Variants in NUP188 observed in about 807,000 individuals in gnomAD.
NUP188 encodes the protein nucleoporin 188, also known as nucleoporin NUP188.
NUP188 carries 97 observed loss-of-function variants against 223.0 expected under a neutral mutation model. The ratio of observed to expected loss-of-function variants is 0.43; its 90% CI spans 0.37 to 0.51. The LOEUF (loss-of-function observed/expected upper bound fraction) is 0.51, where lower values mean the gene tolerates loss of function less well. Among genes scored for constraint, NUP188 ranks in the 20% least tolerant of loss-of-function variants. The pLI, the probability that NUP188 is intolerant of heterozygous loss-of-function variation, is 0.00. For missense variants in NUP188, 1,947 were observed against 2,175.6 expected (o/e 0.89, Z 2.09); for synonymous variants, 869 against 828.0 (o/e 1.05, Z -0.85).
chr9:128,958,070 C>T lies in NUP188; in HGVS notation c.372+16C>T. 1 of 1,602,446 alleles carries T rather than the reference C, an allele frequency of 6.2e-7. No individual in the cohort carries two copies. Among genetic ancestry groups the T allele is most frequent in the Non-Finnish European group, 8.5e-7 (1 of 1,170,432 alleles). ...AATCCTGAAGGTCAGTAGTAGTCAC[C>T]ATTTCTATTCTTTGATGTAAAATTG... On this transcript the variant is annotated intron_variant, in intron 6 of 43. Transcript: ENST00000372577.
rs747965547 is a variant in NUP188 at position 128,968,635 on chromosome 9, T to C, written c.715T>C (p.Phe239Leu). The C allele has an allele frequency of 1.9e-6, 3 of 1,614,128 alleles. No individual in the cohort carries two copies. Among genetic ancestry groups the C allele is most frequent in the Middle Eastern group, 3.3e-4 (2 of 6,062 alleles). ...PSDLLVLTKM[F>L]KEQGFGSRQT... ...TGACTTACTTGTATTAACCAAGATG[T>C]TTAAAGAGCAAGGATTTGGTAGTAG... is the stretch of plus-strand genomic sequence containing the variant. Residue 239 changes from phenylalanine (F) to leucine (L), a missense_variant, in exon 9 of 44, where the codon TTT becomes CTT. By Grantham distance (22) the Phe-to-Leu change is conservative (BLOSUM62 0). Coordinates refer to ENST00000372577, the MANE Select transcript of NUP188 (RefSeq NM_015354.3).
At chr9:128,986,439 T>A in intron 20 of NUP188, 119 bp from the exon 21 acceptor site, 1 of 1,047,116 alleles carries the variant, frequency 9.6e-7, no homozygotes, top group Non-Finnish European at 1.4e-6. Flanking sequence ...TTTTCATTGA[T>A]GACCAAGGTT....
intron 2 of NUP188, among the ~76,000 whole-genome samples, chr9:128,949,790 G>A (rs776988012): frequency 9.2e-5 from 14 of 151,886 alleles, no homozygotes; most frequent in Non-Finnish European, 1.6e-4. Context: ...CACCACACCT[G>A]GCTAATTTTT....
In NUP188 at chr9:128,971,408, CTTGTTTGTTTGT is replaced by C. The variant is rs367882897; in HGVS notation, c.1113+465_1113+476del. 4.8e-3 allele frequency among the ~76,000 whole-genome samples: 724 copies of C among 152,062 alleles called. 5 individuals are homozygous for C. The highest frequency in any genetic ancestry group is 0.017 in the Middle Eastern group (5 of 294). On this transcript the variant is annotated intron_variant, in intron 11 of 43. Coordinates refer to ENST00000372577, the MANE Select transcript of NUP188 (RefSeq NM_015354.3). ...GGTTTGAGTGGCATGGTTTAGAGAG[CTTGTTTGTTTGT>C]TTGTTTGTTTGTTTTTGAGACAGAG...
chr9:128,968,054 C>G (rs915001142), intron 8 of NUP188, among the ~76,000 whole-genome samples: 2 of 152,102 alleles, frequency 1.3e-5, no homozygotes, highest in Non-Finnish European at 2.9e-5. Flanking sequence ...GCTAGGAATT[C>G]AAAACCAGCC....
chr9:128,997,868 G>A (rs17508104), intron 30 of NUP188, among the ~76,000 whole-genome samples: 3 of 151,730 alleles, frequency 2.0e-5, no homozygotes, highest in East Asian at 1.9e-4. Context: ...CTACAGGTGC[G>A]CGCCACCATG....
At chr9:129,003,081 T>C (rs1588295131) in intron 37 of NUP188, 106 bp downstream of exon 37, 32 of 1,300,554 alleles carry the variant, frequency 2.5e-5, no homozygotes, top group Non-Finnish European at 3.4e-5. Context: ...TAGCGGAGGG[T>C]TGTCGATGCC....
intron 6 of NUP188, 135 bp from the exon 7 acceptor site, chr9:128,958,667 T>C: frequency 2.2e-6 from 1 of 457,362 alleles, no homozygotes; most frequent in East Asian, 3.1e-5. Flanking sequence ...TCAGTATGTT[T>C]GCATTTCTGT....
Position 128,977,115 on chromosome 9 carries a change from G to C in NUP188, c.1204-2147G>C, listed in dbSNP as rs564103129. Among the ~76,000 whole-genome samples, 51 of 137,472 alleles carry C rather than the reference G, an allele frequency of 3.7e-4. 1 individual carries two copies. In the South Asian group the frequency reaches 0.012, roughly 32 times the overall value. 90.2% of individuals were successfully genotyped at this position (137,472 alleles called of 152,430 possible). ...CAGAGTTGCAGGAGTCCTGGTACTT[G>C]GATTTTTTTTTTTTTTTTTTTTTAG... is the stretch of plus-strand genomic sequence containing the variant. On this transcript the variant is annotated intron_variant, in intron 12 of 43. Coordinates refer to ENST00000372577, the MANE Select transcript of NUP188 (RefSeq NM_015354.3).
chr9:129,000,352 T>G (rs1296803705), intron 34 of NUP188, among the ~76,000 whole-genome samples: 1 of 152,162 alleles, frequency 6.6e-6, no homozygotes, highest in Non-Finnish European at 1.5e-5. Context: ...CCAGTCTCGC[T>G]CTGTCGCCCA....
At chr9:128,974,077 A>AT (rs906401743) in intron 12 of NUP188, among the ~76,000 whole-genome samples, 3 of 151,814 alleles carry the variant, frequency 2.0e-5, no homozygotes, top group African/African-American at 7.3e-5. Context: ...CGCCCGGCTA[A>AT]TTTTTTTATT....
chr9:128,958,953 A>G, intron 7 of NUP188, 59 bp downstream of exon 7: 16 of 1,405,442 alleles, frequency 1.1e-5, no homozygotes, highest in Non-Finnish European at 1.5e-5. Flanking sequence ...TAATTTTATT[A>G]ATATTTATTT....
intron 14 of NUP188, 98 bp downstream of exon 14, chr9:128,980,823 A>G (rs1256567976): frequency 5.4e-6 from 7 of 1,288,018 alleles, no homozygotes; most frequent in Non-Finnish European, 5.4e-6. Flanking sequence ...TTCTACTGCC[A>G]TGACAAAAGT....
At chr9:128,969,580 ACTG>A in intron 10 of NUP188, 66 bp downstream of exon 10, 1 of 819,378 alleles carries the variant, frequency 1.2e-6, no homozygotes, top group East Asian at 2.7e-5. Context: ...CAATTATTGA[ACTG>A]CTGCATAAAA....
intron 2 of NUP188, 125 bp from the exon 3 acceptor site, chr9:128,952,647 TG>T: frequency 3.2e-6 from 2 of 632,152 alleles, no homozygotes; most frequent in African/African-American, 1.9e-5. Context: ...CACTTGAACC[TG>T]GGAGGCGGAG....
chr9:129,005,331 C>T lies in NUP188; in HGVS notation c.4538C>T (p.Ala1513Val), dbSNP rs1371802752. 4 of 1,614,188 alleles carry T rather than the reference C, an allele frequency of 2.5e-6. No homozygotes were observed. Among genetic ancestry groups the T allele is most frequent in the Non-Finnish European group, 3.4e-6 (4 of 1,180,026 alleles). ...QNKNGDGLPSAVAQRVQRPPS... is the reference protein window; with the variant it reads ...QNKNGDGLPSVVAQRVQRPPS... ...AAAAATGGGGATGGCCTCCCCTCAG[C>T]TGTTGCCCAGCGAGTCCAGAGGCCA... The change falls in exon 40 of 44, where the codon GCT (alanine) becomes GTT (valine). Residue 1513 changes from alanine to valine, a missense_variant. Ala to Val is a moderately conservative substitution (Grantham distance 64, BLOSUM62 0). Around this residue, in one of 3 missense-constraint regions of NUP188, gnomAD observed 905 missense variants for 990.6 expected, o/e 0.91. Transcript: ENST00000372577.
chr9:128,992,611 T>C (rs1390953078), intron 25 of NUP188, among the ~76,000 whole-genome samples: 1 of 152,188 alleles, frequency 6.6e-6, no homozygotes, highest in Non-Finnish European at 1.5e-5. Flanking sequence ...TCTTTTTTCC[T>C]TTTTTTAATT....
intron 8 of NUP188, among the ~76,000 whole-genome samples, chr9:128,968,227 A>G (rs1842058139): frequency 6.6e-6 from 1 of 152,180 alleles, no homozygotes; most frequent in Admixed American, 6.5e-5. Flanking sequence ...CCTGGGTGAT[A>G]GAGTCAGACC....
At chr9:128,986,736 T>C in intron 21 of NUP188, 58 bp downstream of exon 21, 1 of 1,613,806 alleles carries the variant, frequency 6.2e-7, no homozygotes, top group Non-Finnish European at 8.5e-7. Flanking sequence ...GGAGAGCTTT[T>C]TTCTTTCCCT....
Sources: allele counts gnomAD v4.1 joint callset (sites outside exome capture counted in the v4.1 genomes callset), GRCh38; gene constraint gnomAD v4.1.1; regional missense constraint gnomAD v4.1.1; transcripts MANE v1.5; gene names NCBI Gene and HGNC (gene_info 2026-07-23, HGNC 2026-07-21).